NAALADL2: variants seen among roughly 807,000 people sequenced by gnomAD.
NAALADL2 encodes inactive N-acetylated-alpha-linked acidic dipeptidase-like protein 2.
A neutral mutation model predicts 87.2 loss-of-function variants in NAALADL2; 76 were observed. That is an observed-to-expected ratio of 0.87 (90% confidence interval 0.72 to 1.05). The LOEUF is 1.05. Ranked by LOEUF, NAALADL2 falls within the 50% of genes least tolerant of loss-of-function variation. The probability of loss-of-function intolerance (pLI) is 0.00; values close to 1 mark genes in which losing one functional copy is unlikely to be tolerated. For synonymous variants in NAALADL2, 354 were observed against 331.0 expected (o/e 1.07, Z -0.75); for missense variants, 1,089 against 945.8 (o/e 1.15, Z -1.99).
chr3:175,684,824 A>C (rs1392762359), intron 11 of NAALADL2, among the ~76,000 whole-genome samples: 1 of 152,192 alleles, frequency 6.6e-6, no homozygotes, highest in Non-Finnish European at 1.5e-5. Flanking sequence ...ATGTTTAAAG[A>C]TCCATATTAA....
At chr3:174,750,464 G>GCT (rs1734717675) in intron 3 of NAALADL2, among the ~76,000 whole-genome samples, 1 of 10 alleles carries the variant, frequency 0.1, no homozygotes, top group Non-Finnish European at 0.25. Flanking sequence ...GACTTCTGCT[G>GCT]CTGTTGCCCA....
chr3:174,958,954 A>G (rs780885561), intron 1 of NAALADL2, among the ~76,000 whole-genome samples: 2 of 152,090 alleles, frequency 1.3e-5, no homozygotes, highest in Admixed American at 6.6e-5. Context: ...ATCATTCAAA[A>G]AGTAATTATT....
At chr3:175,687,714 G>A (rs543656072) in intron 11 of NAALADL2, among the ~76,000 whole-genome samples, 1 of 152,274 alleles carries the variant, frequency 6.6e-6, no homozygotes, top group South Asian at 2.1e-4. Context: ...GGTGGTGGGA[G>A]GTGTTTAGAT....
rs558340435 is a variant in NAALADL2 at position 174,825,265 on chromosome 3, C to T, written c.-9+87519C>T. On this transcript the variant is annotated intron_variant, in intron 3 of 3. Transcript: ENST00000434257. Reference sequence around the variant, plus strand: ...AGTTTGCATCTTAAGGCCTGAGGGCCGGAGGAGACATAGAGTAATTCCCAG... The same window carrying T: ...AGTTTGCATCTTAAGGCCTGAGGGCTGGAGGAGACATAGAGTAATTCCCAG... Among the ~76,000 whole-genome samples, 7 of 152,228 alleles carry T rather than the reference C, an allele frequency of 4.6e-5. No individual in the cohort carries two copies. In the South Asian group the frequency reaches 6.2e-4, roughly 14 times the overall value.
chr3:175,707,823 G>C (rs1409876622), intron 11 of NAALADL2, among the ~76,000 whole-genome samples: 1 of 152,008 alleles, frequency 6.6e-6, no homozygotes, highest in East Asian at 1.9e-4. Flanking sequence ...AATTAAGTTT[G>C]TAAGACATAA....
At chr3:175,323,774 T>C (rs1760276389) in intron 4 of NAALADL2, among the ~76,000 whole-genome samples, 1 of 151,566 alleles carries the variant, frequency 6.6e-6, no homozygotes, top group South Asian at 2.1e-4. Flanking sequence ...TCCCAGCAGT[T>C]TGGGAGGCCG....
chr3:174,858,082 C>CTA (rs1274947710), upstream of NAALADL2, among the ~76,000 whole-genome samples: 7 of 145,238 alleles, frequency 4.8e-5, no homozygotes, highest in African/African-American at 1.0e-4. Context: ...TAACTACAGC[C>CTA]TATATATATA....
chr3:175,047,988 T>A (rs1167653723), intron 1 of NAALADL2, among the ~76,000 whole-genome samples: 1 of 152,236 alleles, frequency 6.6e-6, no homozygotes, highest in Non-Finnish European at 1.5e-5. Context: ...TTCATAGCCA[T>A]GTTGTCAGGA....
intron 6 of NAALADL2, among the ~76,000 whole-genome samples, chr3:175,454,085 A>G (rs1324136122): frequency 6.6e-6 from 1 of 151,970 alleles, no homozygotes; most frequent in Non-Finnish European, 1.5e-5. Context: ...TCTTCCCTTT[A>G]TATATGTCTC....
chr3:174,850,951 C>T (rs369963058), intron 3 of NAALADL2, among the ~76,000 whole-genome samples: 5 of 152,036 alleles, frequency 3.3e-5, no homozygotes, highest in Admixed American at 2.0e-4. Flanking sequence ...AGAGTTGTAA[C>T]CAGAGAAACT....
Position 175,808,191 on chromosome 3 carries a change from T to C in NAALADL2, c.*4988T>C, listed in dbSNP as rs1754875105. ...CCGTCAAGAATCTTGTTACCCTGAT[T>C]ATTGCAAGATGACATATTTCTTAAG... On this transcript the variant is annotated 3_prime_UTR_variant, in exon 14 of 14. Coordinates refer to ENST00000454872, the MANE Select transcript of NAALADL2 (RefSeq NM_207015.3). 1 of 151,946 alleles carries C rather than the reference T, an allele frequency of 6.6e-6. No individual in the cohort carries two copies. Among genetic ancestry groups the C allele is most frequent in the South Asian group, 2.1e-4 (1 of 4,836 alleles). 9.4% of individuals were successfully genotyped at this position (151,946 alleles called of 1,614,324 possible).
chr3:175,444,048 A>G lies in NAALADL2; in HGVS notation c.1091-3181A>G, dbSNP rs116672020. ...CGTGGCTCATGGAGTATGTAAGGGT[A>G]TAGCTTAAGATTTTGCTTAAGATGT... On this transcript the variant is annotated intron_variant, in intron 5 of 13. Coordinates refer to ENST00000454872, the MANE Select transcript of NAALADL2 (RefSeq NM_207015.3). Among the ~76,000 whole-genome samples, 458 of 152,310 alleles carry G rather than the reference A, an allele frequency of 3.0e-3. 2 individuals are homozygous for G. The highest frequency in any genetic ancestry group is 9.9e-3 in the African/African-American group (413 of 41,584).
intron 3 of NAALADL2, among the ~76,000 whole-genome samples, chr3:174,783,095 G>A (rs562226245): frequency 2.0e-5 from 3 of 152,172 alleles, no homozygotes; most frequent in East Asian, 1.9e-4. Context: ...ATGTTAAAAA[G>A]CTTTTGTCAT....
rs1560163722 is a variant in NAALADL2, at chr3:175,206,262, ATTTTTTTTTTTCACTGTGTGTGTG to A, written c.546-27667_546-27644del. 2.2e-3 allele frequency among the ~76,000 whole-genome samples: 228 copies of A among 102,700 alleles called. 3 individuals are homozygous for A. Among genetic ancestry groups the A allele is most frequent in the African/African-American group, 4.4e-3 (92 of 20,832 alleles). 67.4% of individuals were successfully genotyped at this position (102,700 alleles called of 152,430 possible). A position where few individuals can be genotyped will look rare whatever the true frequency, so the allele number is the denominator to read the frequency against. ...TAAAAAACTATATATATATATATAT[ATTTTTTTTTTTCACTGTGTGTGTG>A]TATGTATGTGTATATATATATATAT... On this transcript the variant is annotated intron_variant, in intron 2 of 13. Coordinates refer to ENST00000454872, the MANE Select transcript of NAALADL2 (RefSeq NM_207015.3).
intron 4 of NAALADL2, among the ~76,000 whole-genome samples, chr3:175,314,648 T>C (rs1413746897): frequency 1.4e-4 from 15 of 104,130 alleles, no homozygotes; most frequent in Admixed American, 9.8e-4. Flanking sequence ...TAGCGTTTTC[T>C]AGTATATATA....
intron 12 of NAALADL2, among the ~76,000 whole-genome samples, chr3:175,752,305 A>G (rs983556972): frequency 6.6e-6 from 1 of 152,134 alleles, no homozygotes; most frequent in South Asian, 2.1e-4. Context: ...CATTGATTAA[A>G]TGGTACAACT....
Position 175,314,023 on chromosome 3 carries a change from A to G in NAALADL2, c.940-10152A>G, listed in dbSNP as rs376310899. On this transcript the variant is annotated intron_variant, in intron 4 of 13. Transcript: ENST00000454872. Reference sequence around the variant, plus strand: ...GCTGCAGTGAGTCAATATTGTGCTAATATTGTGCCACTGCACTCCAGCCTG... The same window carrying G: ...GCTGCAGTGAGTCAATATTGTGCTAGTATTGTGCCACTGCACTCCAGCCTG... 1.2e-3 allele frequency among the ~76,000 whole-genome samples: 173 copies of G among 149,850 alleles called. 4 individuals carry two copies. The South Asian group carries it at 0.036, about 31-fold the overall frequency.
chr3:174,599,055 G>A (rs1718195172), intron 2 of NAALADL2, among the ~76,000 whole-genome samples: 1 of 152,108 alleles, frequency 6.6e-6, no homozygotes, highest in Non-Finnish European at 1.5e-5. Context: ...TGACAGCTGA[G>A]ACTTTTTGCT....
At chr3:174,803,469 CT>C (rs1212528213) in intron 3 of NAALADL2, among the ~76,000 whole-genome samples, 1 of 152,080 alleles carries the variant, frequency 6.6e-6, no homozygotes. Context: ...TGCAGAAGCT[CT>C]TTAGTTTAAT....
Sources: gnomAD v4.1 joint callset for allele counts (sites outside exome capture counted in the v4.1 genomes callset) on GRCh38, gnomAD v4.1.1 for gene constraint, MANE v1.5 for transcripts, NCBI Gene and HGNC (gene_info 2026-07-23, HGNC 2026-07-21) for gene names.